The following CUX1 variants were observed in gnomAD, a reference collection of about 807,000 sequenced individuals.
The protein encoded by CUX1 is protein CASP.
CUX1 carries 31 observed loss-of-function variants against 158.8 expected under a neutral mutation model. That is an observed-to-expected ratio of 0.20 (90% CI 0.15 to 0.26). The LOEUF (loss-of-function observed/expected upper bound fraction) is 0.26. CUX1 is among the 10% of genes least tolerant of loss of function. CUX1 has a pLI of 1.00. For synonymous variants in CUX1, 879 were observed against 862.1 expected (o/e 1.02, Z -0.34); for missense variants, 1,589 against 2,014.6 (o/e 0.79, Z 4.04).
intron 2 of CUX1, among the ~76,000 whole-genome samples, chr7:102,013,693 A>G (rs1476523884): frequency 6.6e-6 from 1 of 152,194 alleles, no homozygotes; most frequent in Non-Finnish European, 1.5e-5. Flanking sequence ...CTCATATGCA[A>G]ACGCTTCTCA....
At chr7:102,064,468 G>A (rs920042121) in intron 3 of CUX1, among the ~76,000 whole-genome samples, 1 of 151,908 alleles carries the variant, frequency 6.6e-6, no homozygotes, top group African/African-American at 2.4e-5. Context: ...CCTCACCTTA[G>A]ACGTTTGCTC....
At chr7:102,210,719 C>A (rs1796426724) in intron 20 of CUX1, among the ~76,000 whole-genome samples, 1 of 152,184 alleles carries the variant, frequency 6.6e-6, no homozygotes, top group African/African-American at 2.4e-5. Flanking sequence ...GTTGCTGTTC[C>A]CAGTCAGCCA....
intron 1 of CUX1, among the ~76,000 whole-genome samples, chr7:101,905,440 G>A (rs182577604): frequency 7.9e-5 from 12 of 152,166 alleles, no homozygotes; most frequent in Non-Finnish European, 4.4e-5. Flanking sequence ...GTGGCGTTGC[G>A]CCCATCTTAC....
intron 11 of CUX1, among the ~76,000 whole-genome samples, chr7:102,185,693 C>T (rs1793551827): frequency 6.6e-6 from 1 of 151,524 alleles, no homozygotes; most frequent in African/African-American, 2.4e-5. Context: ...CCACACCTGA[C>T]CCAAGATGTT....
At chr7:101,888,097 GCTGAGGTGGGGGGATCAC>G (rs1554405830) in intron 1 of CUX1, among the ~76,000 whole-genome samples, 4 of 152,176 alleles carry the variant, frequency 2.6e-5, no homozygotes, top group Non-Finnish European at 5.9e-5. Flanking sequence ...ACTTTGTGAG[GCTGAGGTGGGGGGATCAC>G]CTGAGGTCAG....
In CUX1 at chr7:101,971,530, A is replaced by C. The variant is rs113988882; in HGVS notation, c.141+55305A>C. Among the ~76,000 whole-genome samples, 10 of 152,302 alleles carry C rather than the reference A, an allele frequency of 6.6e-5. 1 individual carries two copies. The highest frequency in any genetic ancestry group is 2.4e-4 in the African/African-American group (10 of 41,558). On this transcript the variant is annotated intron_variant, in intron 2 of 23. Transcript: ENST00000292535. ...AAAGTGAGAGGAAAAGGCAGTTAGAACCAGAATTAGACAACTATCCAAAGT... is the reference window on the plus strand; with the variant it reads ...AAAGTGAGAGGAAAAGGCAGTTAGACCCAGAATTAGACAACTATCCAAAGT...
chr7:102,046,265 C>G (rs1271601053), intron 3 of CUX1, among the ~76,000 whole-genome samples: 1 of 152,196 alleles, frequency 6.6e-6, no homozygotes, highest in Non-Finnish European at 1.5e-5. Context: ...TGGACTCTTG[C>G]TTTGTCACCC....
chr7:102,058,801 C>T (rs891920223), intron 3 of CUX1, among the ~76,000 whole-genome samples: 18 of 152,290 alleles, frequency 1.2e-4, no homozygotes, highest in African/African-American at 4.1e-4. Flanking sequence ...ACTCCCCCAC[C>T]GGGATTTACC....
intron 4 of CUX1, among the ~76,000 whole-genome samples, chr7:102,095,757 G>A (rs1199003334): frequency 1.3e-5 from 2 of 152,182 alleles, no homozygotes; most frequent in African/African-American, 4.8e-5. Flanking sequence ...AATCTCTGCA[G>A]CCATCTCACA....
At chr7:102,185,654 A>G (rs116761649) in intron 11 of CUX1, among the ~76,000 whole-genome samples, 2 of 134,092 alleles carry the variant, frequency 1.5e-5, no homozygotes, top group African/African-American at 2.9e-5. Flanking sequence ...TGTCGTGCTT[A>G]TCTTGAACTC....
At chr7:102,057,123 G>C (rs369420901) in intron 3 of CUX1, among the ~76,000 whole-genome samples, 1 of 151,458 alleles carries the variant, frequency 6.6e-6, no homozygotes, top group East Asian at 1.9e-4. Context: ...GGATGGTCTC[G>C]ATCTCCTGAC....
At chr7:102,168,017 G>A (rs1791243154) in intron 9 of CUX1, among the ~76,000 whole-genome samples, 1 of 151,700 alleles carries the variant, frequency 6.6e-6, no homozygotes, top group South Asian at 2.1e-4. Flanking sequence ...GGCGGAGGTT[G>A]CAGTTAACTG....
chr7:102,091,802 C>CT (rs1828607610), intron 4 of CUX1, among the ~76,000 whole-genome samples: 1 of 152,074 alleles, frequency 6.6e-6, no homozygotes. Context: ...ATCACCCAGG[C>CT]TGGAGTGTAG....
At chr7:101,923,519 A>G (rs1394146754) in intron 2 of CUX1, among the ~76,000 whole-genome samples, 2 of 152,156 alleles carry the variant, frequency 1.3e-5, no homozygotes, top group East Asian at 1.9e-4. Context: ...GACTTTGCTC[A>G]GTTAATTTTT....
intron 1 of CUX1, among the ~76,000 whole-genome samples, chr7:101,831,757 T>TATTATTATG (rs61479723): frequency 6.6e-6 from 1 of 151,522 alleles, no homozygotes; most frequent in Non-Finnish European, 1.5e-5. Context: ...TTATTATTAT[T>TATTATTATG]TAGAGACAGA....
At chr7:101,999,217 CTTTTTTTT>C (rs3988167) in intron 2 of CUX1, among the ~76,000 whole-genome samples, 1 of 85,834 alleles carries the variant, frequency 1.2e-5, no homozygotes, top group African/African-American at 4.6e-5. Context: ...TTTTTTTTAC[CTTTTTTTT>C]TTTTTTTTTT....
chr7:101,854,187 T>C (rs978082568), intron 1 of CUX1, among the ~76,000 whole-genome samples: 2 of 152,222 alleles, frequency 1.3e-5, no homozygotes, highest in African/African-American at 4.8e-5. Context: ...CTGAAATGTG[T>C]GCATGGGGCA....
intron 3 of CUX1, among the ~76,000 whole-genome samples, chr7:102,052,032 C>G (rs538135030): frequency 1.3e-5 from 2 of 151,988 alleles, no homozygotes; most frequent in East Asian, 1.9e-4. Flanking sequence ...GCCAACATGG[C>G]GAAACCCCGT....
intron 20 of CUX1, among the ~76,000 whole-genome samples, chr7:102,217,407 C>T (rs782204251): frequency 3.3e-5 from 5 of 152,272 alleles, no homozygotes; most frequent in Non-Finnish European, 5.9e-5. Flanking sequence ...TGGTTCTGCG[C>T]AGGTTCCCGC....
Sources: allele counts gnomAD v4.1 joint callset (sites outside exome capture counted in the v4.1 genomes callset), GRCh38; gene constraint gnomAD v4.1.1; transcripts MANE v1.5; gene names NCBI Gene and HGNC (gene_info 2026-07-23, HGNC 2026-07-21).